CCDC88C: variants seen among roughly 807,000 people sequenced by gnomAD.
CCDC88C encodes coiled-coil and HOOK domain protein 88C.
A neutral mutation model predicts 198.8 loss-of-function variants in CCDC88C; 131 were observed. That is an observed-to-expected ratio of 0.66 (90% CI 0.57 to 0.76). The LOEUF is 0.76. CCDC88C is among the 30% of genes least tolerant of loss of function. The pLI is 0.00. For synonymous variants in CCDC88C, 1,166 were observed against 1,114.7 expected (o/e 1.05, Z -0.92); for missense variants, 2,553 against 2,631.6 (o/e 0.97, Z 0.65).
In CCDC88C at chr14:91,321,159, G is replaced by A. The variant is rs904171948; in HGVS notation, c.1488C>T (p.Cys496=). 3.1e-6 allele frequency: 5 copies of A among 1,612,710 alleles called. No individual in the cohort carries two copies. The highest frequency in any genetic ancestry group is 1.1e-5 in the South Asian group (1 of 90,898). The change falls in exon 13 of 30, where the codon TGC becomes TGT. Residue 496 remains cysteine (C), a synonymous_variant. Transcript: ENST00000389857. ...GGTGGTTCTCCTTCTCCAGCTCCCC[G>A]CACTTGAGGCCGCTCTCCTCCAACA... ...SLVLEESGLK[C]GELEKENHQL...
intron 16 of CCDC88C, 42 bp from the exon 17 acceptor site, chr14:91,308,534 C>T: frequency 6.2e-7 from 1 of 1,600,982 alleles, no homozygotes; most frequent in South Asian, 1.1e-5. Context: ...TATCTACTTC[C>T]TCTCCGCAAG....
intron 3 of CCDC88C, chr14:91,379,850 C>A: frequency 1.4e-6 from 1 of 703,026 alleles, no homozygotes. Context: ...CTGTGTCTGC[C>A]CGCAAGAAGT....
rs1382161819 is a variant in CCDC88C, at chr14:91,288,162, G to C, written c.4441+943C>G. Among the ~76,000 whole-genome samples the C allele has an allele frequency of 1.3e-5, 2 of 152,336 alleles. No individual in the cohort carries two copies. The highest frequency in any genetic ancestry group is 3.9e-4 in the East Asian group (2 of 5,182). On this transcript the variant is annotated intron_variant, in intron 25 of 29. Coordinates refer to ENST00000389857, the MANE Select transcript of CCDC88C (RefSeq NM_001080414.4). This position sits in a 1 kb window ranked among gnomAD's most constrained non-coding sequence, Gnocchi z 4.2. ...AAGAAAAATTCGAAGTGGTGGCCCT[G>C]TACCGTTTGATTGCCTCGTGGTATA... is the stretch of plus-strand genomic sequence containing the variant.
At chr14:91,396,521 G>A (rs1017029334) in intron 3 of CCDC88C, among the ~76,000 whole-genome samples, 1 of 152,100 alleles carries the variant, frequency 6.6e-6, no homozygotes, top group East Asian at 1.9e-4. Flanking sequence ...GCTTTCAATC[G>A]GAGCTGAACG....
intron 4 of CCDC88C, among the ~76,000 whole-genome samples, chr14:91,353,210 G>A (rs1038688658): frequency 1.3e-5 from 2 of 152,114 alleles, no homozygotes; most frequent in Non-Finnish European, 2.9e-5. Context: ...ATCCTCATGA[G>A]ACTTCCAGCA....
Position 91,313,151 on chromosome 14 carries a change from G to A in CCDC88C, c.2665C>T (p.Leu889=). 6.2e-7 allele frequency: 1 copy of A among 1,610,672 alleles called. No homozygotes were observed. The highest frequency in any genetic ancestry group is 2.2e-5 in the East Asian group (1 of 44,826). Residue 889 remains leucine, a synonymous_variant, in exon 15 of 30, where the codon CTG becomes TTG. Coordinates refer to ENST00000389857, the MANE Select transcript of CCDC88C (RefSeq NM_001080414.4). This position sits in a 1 kb window ranked among gnomAD's most constrained non-coding sequence, Gnocchi z 5.2. ...CRDAAGKLKE[L]EKDNRDLTKQ... ...GTGAGGTCCCGGTTGTCCTTCTCCA[G>A]CTCCTTCAGCTTGCCGGCTGCGTCC...
At chr14:91,315,168 CT>C (rs1892039331) in intron 14 of CCDC88C, among the ~76,000 whole-genome samples, 1 of 152,068 alleles carries the variant, frequency 6.6e-6, no homozygotes, top group South Asian at 2.1e-4. Context: ...GCAGCCACTG[CT>C]AAGGCTGGCA....
chr14:91,368,009 C>T (rs1894619541), intron 3 of CCDC88C, among the ~76,000 whole-genome samples: 1 of 152,206 alleles, frequency 6.6e-6, no homozygotes, highest in Non-Finnish European at 1.5e-5. Flanking sequence ...GCACTTTCTA[C>T]ACTGTGCCAT....
intron 25 of CCDC88C, chr14:91,285,649 A>G (rs1325296046): frequency 1.6e-6 from 2 of 1,285,912 alleles, no homozygotes; most frequent in Admixed American, 4.7e-5. Flanking sequence ...CACAATACAG[A>G]CACATGATAA....
At chr14:91,368,148 G>C (rs1161061090) in intron 3 of CCDC88C, among the ~76,000 whole-genome samples, 3 of 152,170 alleles carry the variant, frequency 2.0e-5, no homozygotes, top group Non-Finnish European at 2.9e-5. Flanking sequence ...TTGTGGAGGA[G>C]GTGTCTTCTC....
intron 4 of CCDC88C, among the ~76,000 whole-genome samples, chr14:91,353,228 C>T (rs1893893453): frequency 6.6e-6 from 1 of 152,182 alleles, no homozygotes; most frequent in South Asian, 2.1e-4. Context: ...GCAACTTGCA[C>T]TCCCCTGAGC....
intron 3 of CCDC88C, among the ~76,000 whole-genome samples, chr14:91,385,801 A>T (rs1165865182): frequency 1.1e-4 from 10 of 93,684 alleles, no homozygotes; most frequent in Non-Finnish European, 2.3e-4. Flanking sequence ...CTGCCTCTTT[A>T]AAAAAAAAAA....
At chr14:91,365,739 C>T (rs1221955637) in intron 3 of CCDC88C, among the ~76,000 whole-genome samples, 1 of 152,146 alleles carries the variant, frequency 6.6e-6, no homozygotes, top group African/African-American at 2.4e-5. Flanking sequence ...CTGTCAACCA[C>T]AGACTATTAA....
At chr14:91,357,253 A>C (rs1325300816) in intron 4 of CCDC88C, among the ~76,000 whole-genome samples, 1 of 152,162 alleles carries the variant, frequency 6.6e-6, no homozygotes, top group East Asian at 1.9e-4. Flanking sequence ...TTAAATACAA[A>C]TTTTAATTAA....
intron 10 of CCDC88C, among the ~76,000 whole-genome samples, chr14:91,337,144 G>A (rs1217441558): frequency 6.6e-6 from 1 of 152,164 alleles, no homozygotes; most frequent in African/African-American, 2.4e-5. Context: ...AGGTTGTCAG[G>A]GTGAGTGGTC....
At chr14:91,363,625 T>C (rs1478183790) in intron 3 of CCDC88C, among the ~76,000 whole-genome samples, 1 of 152,246 alleles carries the variant, frequency 6.6e-6, no homozygotes, top group Non-Finnish European at 1.5e-5. Context: ...TAGACTTGTA[T>C]TCCCAGGTTG....
chr14:91,411,820 A>G (rs747905498), intron 2 of CCDC88C, among the ~76,000 whole-genome samples: 16 of 152,230 alleles, frequency 1.1e-4, no homozygotes, highest in Admixed American at 7.2e-4. Context: ...AAAATTAGCC[A>G]GACATGGTGG....
intron 25 of CCDC88C, among the ~76,000 whole-genome samples, chr14:91,283,949 A>G (rs1455964320): frequency 1.3e-5 from 2 of 152,194 alleles, no homozygotes. Flanking sequence ...CTGACTCACT[A>G]AGGACTTCAA....
intron 19 of CCDC88C, among the ~76,000 whole-genome samples, chr14:91,305,039 C>T (rs1178245280): frequency 5.3e-5 from 8 of 152,012 alleles, no homozygotes; most frequent in South Asian, 2.1e-4. Context: ...GTCAGGAGTT[C>T]GAGACCAGCC....
Sources: allele counts gnomAD v4.1 joint callset (sites outside exome capture counted in the v4.1 genomes callset), GRCh38; gene constraint gnomAD v4.1.1; non-coding constraint Gnocchi (gnomAD v3.1); transcripts MANE v1.5; gene names NCBI Gene and HGNC (gene_info 2026-07-23, HGNC 2026-07-21).